DCC: variants seen among roughly 807,000 people sequenced by gnomAD.
DCC encodes the protein DCC netrin 1 receptor.
A neutral mutation model predicts 172.5 loss-of-function variants in DCC; 58 were observed. That is an observed-to-expected ratio of 0.34 (90% CI 0.27 to 0.42). The LOEUF (loss-of-function observed/expected upper bound fraction) is 0.42, where lower values mean the gene tolerates loss of function less well. Among genes scored for constraint, DCC ranks in the 10% least tolerant of loss-of-function variants. DCC has a pLI of 1.00. For synonymous variants in DCC, 709 were observed against 644.5 expected (o/e 1.10, Z -1.52); for missense variants, 1,740 against 1,791.0 (o/e 0.97, Z 0.51).
intron 5 of DCC, among the ~76,000 whole-genome samples, chr18:52,951,989 G>T (rs762744334): frequency 9.9e-5 from 15 of 152,270 alleles, no homozygotes; most frequent in Non-Finnish European, 1.9e-4. Context: ...GTGCACATTT[G>T]CTGGGTCTAT....
At chr18:52,459,566 C>T (rs1339659885) in intron 1 of DCC, among the ~76,000 whole-genome samples, 1 of 152,004 alleles carries the variant, frequency 6.6e-6, no homozygotes, top group African/African-American at 2.4e-5. Context: ...CTCCCGGGTT[C>T]ATGCCATTCT....
intron 1 of DCC, among the ~76,000 whole-genome samples, chr18:52,362,703 A>G (rs572280618): frequency 6.6e-6 from 1 of 152,346 alleles, no homozygotes; most frequent in Non-Finnish European, 1.5e-5. Context: ...ATATTGAAGA[A>G]GAAAAGCTGA....
At chr18:53,515,290 G>C (rs1395061532) in intron 27 of DCC, among the ~76,000 whole-genome samples, 2 of 151,402 alleles carry the variant, frequency 1.3e-5, no homozygotes, top group African/African-American at 4.8e-5. Flanking sequence ...GTATTGATGG[G>C]ACGTATTTCC....
At chr18:52,406,053 G>C (rs989368733) in intron 1 of DCC, among the ~76,000 whole-genome samples, 4 of 143,828 alleles carry the variant, frequency 2.8e-5, no homozygotes, top group East Asian at 4.1e-4. Context: ...ACAAACCTGA[G>C]AAAAACAAGC....
At chr18:52,632,240 A>C (rs751893925) in intron 1 of DCC, among the ~76,000 whole-genome samples, 4 of 152,240 alleles carry the variant, frequency 2.6e-5, no homozygotes, top group African/African-American at 4.8e-5. Flanking sequence ...TGAATAATTC[A>C]TTCCTATTTC....
chr18:53,260,795 T>G (rs1471464902), intron 12 of DCC, among the ~76,000 whole-genome samples: 1 of 152,140 alleles, frequency 6.6e-6, no homozygotes, highest in African/African-American at 2.4e-5. Flanking sequence ...TGCCCTGCCC[T>G]CAGAGGTGGA....
intron 7 of DCC, among the ~76,000 whole-genome samples, chr18:53,086,028 C>CTTATTATTATTAT (rs1568294264): frequency 2.2e-3 from 2 of 898 alleles, no homozygotes; most frequent in Admixed American, 6.0e-3. Context: ...CCCTCTCCCT[C>CTTATTATTATTAT]TCCCTCTCCC....
intron 5 of DCC, among the ~76,000 whole-genome samples, chr18:52,990,151 A>G (rs918394889): frequency 2.6e-5 from 4 of 152,072 alleles, no homozygotes; most frequent in African/African-American, 9.7e-5. Flanking sequence ...GGTATACGCC[A>G]GAGTAGAACC....
At chr18:53,144,950 C>A (rs1331735251) in intron 7 of DCC, among the ~76,000 whole-genome samples, 1 of 151,826 alleles carries the variant, frequency 6.6e-6, no homozygotes, top group African/African-American at 2.4e-5. Flanking sequence ...TCCCCTAATT[C>A]TCATCTTTTT....
chr18:53,363,576 A>G (rs1322512467), intron 15 of DCC, among the ~76,000 whole-genome samples: 2 of 152,018 alleles, frequency 1.3e-5, no homozygotes, highest in African/African-American at 2.4e-5. Context: ...TCTCTTCCTC[A>G]CCGGCATAGA....
At chr18:53,178,936 C>T in intron 8 of DCC, 26 bp from the exon 9 acceptor site, 1 of 1,613,652 alleles carries the variant, frequency 6.2e-7, no homozygotes, top group Non-Finnish European at 8.5e-7. Flanking sequence ...TTGGAATAAT[C>T]TTTCTCTGCA....
chr18:52,511,280 CAAAA>C (rs5824941), intron 1 of DCC, among the ~76,000 whole-genome samples: 4 of 110,086 alleles, frequency 3.6e-5, no homozygotes, highest in African/African-American at 7.5e-5. Context: ...GACTCTGTCT[CAAAA>C]AAAAAAAAAA....
At chr18:52,531,188 T>C (rs1230694211) in intron 1 of DCC, among the ~76,000 whole-genome samples, 1 of 152,194 alleles carries the variant, frequency 6.6e-6, no homozygotes, top group African/African-American at 2.4e-5. Flanking sequence ...GCATTTGAAC[T>C]GATGAGTCAA....
intron 5 of DCC, among the ~76,000 whole-genome samples, chr18:52,997,649 A>G (rs185009739): frequency 1.7e-4 from 26 of 152,244 alleles, no homozygotes; most frequent in African/African-American, 4.6e-4. Context: ...GGTAAGAAAG[A>G]GTCTCATATT....
chr18:53,007,640 AAAT>A (rs1187553372), intron 5 of DCC, among the ~76,000 whole-genome samples: 2 of 152,076 alleles, frequency 1.3e-5, no homozygotes, highest in African/African-American at 4.8e-5. Flanking sequence ...CATACATATA[AAAT>A]AATATATAAT....
chr18:53,406,108 C>T (rs1365596998), intron 19 of DCC, among the ~76,000 whole-genome samples: 1 of 152,160 alleles, frequency 6.6e-6, no homozygotes, highest in Non-Finnish European at 1.5e-5. Flanking sequence ...TATTTAAGAT[C>T]TGAGACTAAC....
intron 1 of DCC, among the ~76,000 whole-genome samples, chr18:52,381,483 A>G (rs188302453): frequency 6.6e-6 from 1 of 152,272 alleles, no homozygotes; most frequent in Non-Finnish European, 1.5e-5. Context: ...TTCCAGTTGC[A>G]AAACAGGAGC....
chr18:52,523,848 A>G (rs2031896880), intron 1 of DCC, among the ~76,000 whole-genome samples: 1 of 152,218 alleles, frequency 6.6e-6, no homozygotes, highest in Admixed American at 6.5e-5. Context: ...TCATTTAGTT[A>G]ACAATGTGTA....
At chr18:52,680,749 G>C (rs1162549542) in intron 1 of DCC, among the ~76,000 whole-genome samples, 2 of 151,996 alleles carry the variant, frequency 1.3e-5, no homozygotes, top group Non-Finnish European at 2.9e-5. Context: ...CTTCATAATA[G>C]GATGGCCAAG....
Sources: gnomAD v4.1 joint callset for allele counts (sites outside exome capture counted in the v4.1 genomes callset) on GRCh38, gnomAD v4.1.1 for gene constraint, MANE v1.5 for transcripts, NCBI Gene and HGNC (gene_info 2026-07-23, HGNC 2026-07-21) for gene names.